The following ASIC2 variants were observed in gnomAD, a reference collection of about 807,000 sequenced individuals.
ASIC2 encodes the protein acid sensing ion channel subunit 2, also known as acid-sensing ion channel 2.
A neutral mutation model predicts 57.3 loss-of-function variants in ASIC2; 25 were observed. That is an observed-to-expected ratio of 0.44 (90% CI 0.32 to 0.61). The LOEUF (loss-of-function observed/expected upper bound fraction) is 0.61. Ranked by LOEUF, ASIC2 falls within the 20% of genes least tolerant of loss-of-function variation. The pLI is 0.06. For missense variants in ASIC2, 641 were observed against 738.1 expected (o/e 0.87, Z 1.52); for synonymous variants, 319 against 307.5 (o/e 1.04, Z -0.39).
intron 1 of ASIC2, among the ~76,000 whole-genome samples, chr17:33,397,317 C>G (rs918556617): frequency 1.3e-5 from 2 of 152,248 alleles, no homozygotes; most frequent in African/African-American, 4.8e-5. Flanking sequence ...TTTGCATGAC[C>G]CTGTCAAAGC....
chr17:33,062,031 G>A (rs12952957), intron 3 of ASIC2, among the ~76,000 whole-genome samples: 39,591 of 151,832 alleles, frequency 0.26, 5,396 homozygotes, highest in African/African-American at 0.32. Flanking sequence ...TTTTTATTGC[G>A]TCTATTTGAT....
rs373383962 is a variant in ASIC2 at position 33,516,396 on chromosome 17, TTGTG to T, written c.556-404333_556-404330del. ...TGTGAATGTGTGTTTGTAAGTGTGT[TTGTG>T]AGTGTGAGTGTGTGTGTGTGTGTGT... On this transcript the variant is annotated intron_variant, in intron 1 of 9. Transcript: ENST00000359872. Among the ~76,000 whole-genome samples the T allele has an allele frequency of 9.9e-3, 930 of 94,120 alleles. 12 individuals are homozygous for T. The highest frequency in any genetic ancestry group is 0.037 in the African/African-American group (853 of 22,988). 61.7% of individuals were successfully genotyped at this position (94,120 alleles called of 152,430 possible). A position where few individuals can be genotyped will look rare whatever the true frequency, so the allele number is the denominator to read the frequency against.
chr17:33,280,744 G>A (rs150993966), intron 1 of ASIC2, among the ~76,000 whole-genome samples: 13 of 152,322 alleles, frequency 8.5e-5, no homozygotes, highest in African/African-American at 3.1e-4. Flanking sequence ...CCTTTGAGGT[G>A]GTTCTATAAA....
chr17:33,871,251 G>A (rs578126205), intron 1 of ASIC2, among the ~76,000 whole-genome samples: 39 of 152,332 alleles, frequency 2.6e-4, no homozygotes, highest in Non-Finnish European at 4.3e-4. Flanking sequence ...GACATCACAG[G>A]GCGGAGGGAG....
chr17:33,895,273 G>A (rs913789510), intron 1 of ASIC2, among the ~76,000 whole-genome samples: 2 of 151,322 alleles, frequency 1.3e-5, no homozygotes, highest in Non-Finnish European at 2.9e-5. Flanking sequence ...AGCAATCCTC[G>A]TGTCTCAGCC....
intron 1 of ASIC2, among the ~76,000 whole-genome samples, chr17:33,777,303 A>C (rs77666333): frequency 2.3e-3 from 348 of 152,380 alleles, no homozygotes; most frequent in African/African-American, 7.7e-3. Context: ...CATGTGTATA[A>C]GCCATAATGG....
At chr17:33,863,009 C>T (rs1914137158) in intron 1 of ASIC2, among the ~76,000 whole-genome samples, 1 of 152,234 alleles carries the variant, frequency 6.6e-6, no homozygotes, top group Admixed American at 6.5e-5. Context: ...ACCCAAACTT[C>T]CTGCATCTTT....
intron 1 of ASIC2, among the ~76,000 whole-genome samples, chr17:33,230,586 T>C (rs1486282120): frequency 6.6e-6 from 1 of 152,170 alleles, no homozygotes; most frequent in African/African-American, 2.4e-5. Flanking sequence ...GGAAGAACCA[T>C]GTCTTCTCCA....
intron 1 of ASIC2, among the ~76,000 whole-genome samples, chr17:33,517,768 G>T (rs904151109): frequency 2.0e-5 from 3 of 151,718 alleles, no homozygotes; most frequent in Non-Finnish European, 4.4e-5. Context: ...GTTAATGGGT[G>T]CAGCACACCA....
At chr17:33,955,296 TCC>T (rs1904699281) in intron 1 of ASIC2, 1 of 152,244 alleles carries the variant, frequency 6.6e-6, no homozygotes, top group Non-Finnish European at 1.5e-5. Context: ...TTACTGTCTT[TCC>T]ATTTTAAATC....
At chr17:33,666,239 A>G (rs2142048446) in intron 1 of ASIC2, among the ~76,000 whole-genome samples, 1 of 152,294 alleles carries the variant, frequency 6.6e-6, no homozygotes, top group Non-Finnish European at 1.5e-5. Flanking sequence ...CTACTTGTTG[A>G]TTGATTGACA....
At chr17:33,274,756 T>A (rs1409622384) in intron 1 of ASIC2, among the ~76,000 whole-genome samples, 1 of 152,220 alleles carries the variant, frequency 6.6e-6, no homozygotes, top group African/African-American at 2.4e-5. Flanking sequence ...TGAAAAATCC[T>A]GACTTATGAT....
intron 1 of ASIC2, among the ~76,000 whole-genome samples, chr17:33,660,362 C>A (rs982855151): frequency 6.6e-6 from 1 of 152,010 alleles, no homozygotes; most frequent in Non-Finnish European, 1.5e-5. Context: ...AAAAATGACT[C>A]TTGTAGTAGC....
chr17:33,781,136 C>T (rs2036068043), intron 1 of ASIC2, among the ~76,000 whole-genome samples: 1 of 152,156 alleles, frequency 6.6e-6, no homozygotes, highest in Non-Finnish European at 1.5e-5. Context: ...TTATCCTAAA[C>T]CTTTCTCCCA....
chr17:33,815,185 C>A (rs766990211), intron 1 of ASIC2, among the ~76,000 whole-genome samples: 12 of 152,164 alleles, frequency 7.9e-5, no homozygotes, highest in Admixed American at 3.3e-4. Flanking sequence ...TTCTCAGTTT[C>A]CCATAGTGGG....
chr17:33,359,568 G>A (rs1854696729), intron 1 of ASIC2, among the ~76,000 whole-genome samples: 1 of 152,144 alleles, frequency 6.6e-6, no homozygotes, highest in African/African-American at 2.4e-5. Flanking sequence ...AATGCTCAGG[G>A]CTCAAGAGGT....
At chr17:33,296,446 A>G (rs1043437184), upstream of ASIC2, among the ~76,000 whole-genome samples, 3 of 152,302 alleles carry the variant, frequency 2.0e-5, no homozygotes, top group East Asian at 3.9e-4. Flanking sequence ...CTTGGCCAGA[A>G]AAACAAATTC....
At chr17:33,567,470 G>A (rs1916273511) in intron 1 of ASIC2, among the ~76,000 whole-genome samples, 2 of 152,230 alleles carry the variant, frequency 1.3e-5, no homozygotes. Context: ...TATGAGAGGA[G>A]CAAGTGCCAG....
At chr17:33,772,245 T>C (rs1234498134) in intron 1 of ASIC2, among the ~76,000 whole-genome samples, 2 of 152,100 alleles carry the variant, frequency 1.3e-5, no homozygotes, top group African/African-American at 4.8e-5. Context: ...CTGTCCCACA[T>C]CCAGAGGAAA....
Sources: gnomAD v4.1 joint callset for allele counts (sites outside exome capture counted in the v4.1 genomes callset) on GRCh38, gnomAD v4.1.1 for gene constraint, MANE v1.5 for transcripts, NCBI Gene and HGNC (gene_info 2026-07-23, HGNC 2026-07-21) for gene names.